SAMSN1: variants seen among roughly 807,000 people sequenced by gnomAD.
SAMSN1 encodes SAM domain, SH3 domain and nuclear localization signals 1.
Under a neutral mutation model 42.0 loss-of-function variants are expected in SAMSN1, and 31 were observed. The observed-to-expected ratio is 0.74, with a 90% CI of 0.55 to 1.00. SAMSN1 has a LOEUF of 1.00. SAMSN1 is among the 50% of genes least tolerant of loss of function. The pLI, the probability that SAMSN1 is intolerant of heterozygous loss-of-function variation, is 0.00. For missense variants in SAMSN1, 464 were observed against 439.4 expected (o/e 1.06, Z -0.50); for synonymous variants, 178 against 151.9 (o/e 1.17, Z -1.26).
chr21:14,560,627 C>A (rs556747069), intron 2 of SAMSN1, among the ~76,000 whole-genome samples: 1 of 152,158 alleles, frequency 6.6e-6, no homozygotes. Flanking sequence ...TAGTAATCAA[C>A]AAGCTTTAGA....
At chr21:14,506,133 A>G (rs1399228929) in intron 5 of SAMSN1, among the ~76,000 whole-genome samples, 1 of 152,152 alleles carries the variant, frequency 6.6e-6, no homozygotes, top group Non-Finnish European at 1.5e-5. Context: ...GAAAGAGCCC[A>G]AATGGACAAT....
chr21:14,639,069 A>C (rs1376070838), intron 2 of SAMSN1, among the ~76,000 whole-genome samples: 3 of 152,332 alleles, frequency 2.0e-5, no homozygotes, highest in Non-Finnish European at 4.4e-5. Flanking sequence ...TAAAAGGCTC[A>C]AGTTTTCTAT....
At chr21:14,592,231 C>T (rs184485510) in intron 7 of SAMSN1, 1 of 152,368 alleles carries the variant, frequency 6.6e-6, no homozygotes, top group Non-Finnish European at 1.5e-5. Context: ...GGTACACCTC[C>T]TAGCTGACCA....
intron 1 of SAMSN1, among the ~76,000 whole-genome samples, chr21:14,528,641 G>A (rs1338862342): frequency 6.6e-6 from 1 of 152,150 alleles, no homozygotes; most frequent in Non-Finnish European, 1.5e-5. Context: ...CTCCCAGCCT[G>A]TACATATGTC....
chr21:14,631,119 C>G lies in SAMSN1; in HGVS notation c.156+11883G>C, dbSNP rs189138556. On this transcript the variant is annotated intron_variant, in intron 2 of 15. Coordinates refer to the SAMSN1 transcript ENST00000647101. ...TGCAGTGACAACATCTTAAACACCT[C>G]TCTTTCATCATTTTTAACTCTATTT... is the stretch of plus-strand genomic sequence containing the variant. Among the ~76,000 whole-genome samples, 16 of 152,284 alleles carry G rather than the reference C, an allele frequency of 1.1e-4. No individual in the cohort carries two copies. In the East Asian group the frequency reaches 1.7e-3, roughly 17 times the overall value.
At chr21:14,657,578 G>A (rs923917376) in intron 1 of SAMSN1, among the ~76,000 whole-genome samples, 8 of 151,784 alleles carry the variant, frequency 5.3e-5, no homozygotes, top group East Asian at 1.9e-4. Flanking sequence ...GAAAGCAATC[G>A]TCTTTGGTGC....
At chr21:14,545,239 C>T (rs1354184738) in intron 1 of SAMSN1, among the ~76,000 whole-genome samples, 1 of 151,834 alleles carries the variant, frequency 6.6e-6, no homozygotes, top group African/African-American at 2.4e-5. Context: ...AAATATTGAC[C>T]ATTGTTCAAT....
intron 2 of SAMSN1, among the ~76,000 whole-genome samples, chr21:14,621,636 C>A (rs1292589): frequency 0.17 from 24,870 of 143,404 alleles, 2,684 homozygotes; most frequent in African/African-American, 0.33. Context: ...GAAGCTCCAA[C>A]TGGGTGGAGC....
At chr21:14,627,680 T>C (rs757542323) in intron 2 of SAMSN1, among the ~76,000 whole-genome samples, 2 of 152,194 alleles carry the variant, frequency 1.3e-5, no homozygotes, top group Non-Finnish European at 2.9e-5. Flanking sequence ...AGCATTGTCA[T>C]GCACAGCATG....
intron 2 of SAMSN1, among the ~76,000 whole-genome samples, chr21:14,581,074 CA>C (rs930669335): frequency 8.0e-5 from 12 of 150,460 alleles, no homozygotes; most frequent in South Asian, 2.1e-4. Flanking sequence ...TATCCAAGCC[CA>C]AAAAAAAAGT....
chr21:14,623,445 T>C (rs190509994), intron 2 of SAMSN1, among the ~76,000 whole-genome samples: 2,342 of 151,508 alleles, frequency 0.015, 37 homozygotes, highest in South Asian at 0.078. Flanking sequence ...ACCAAGAAAA[T>C]GGAAAACAAA....
At chr21:14,550,808 G>C (rs951595377), upstream of SAMSN1, among the ~76,000 whole-genome samples, 1 of 151,060 alleles carries the variant, frequency 6.6e-6, no homozygotes, top group South Asian at 2.1e-4. Context: ...GGAAAAGAGA[G>C]CTTAGTGAGC....
intron 4 of SAMSN1, chr21:14,609,697 C>G (rs1274241073): frequency 9.3e-6 from 6 of 643,662 alleles, no homozygotes; most frequent in East Asian, 8.3e-5. Context: ...TAAGAGAGCT[C>G]TAGTTCTAGG....
At chr21:14,581,520 G>A (rs1048640097) in intron 2 of SAMSN1, among the ~76,000 whole-genome samples, 5 of 150,622 alleles carry the variant, frequency 3.3e-5, no homozygotes, top group South Asian at 2.1e-4. Flanking sequence ...CACCACGCCC[G>A]GCTAATTTTT....
chr21:14,627,445 G>T (rs1332752267), intron 2 of SAMSN1, among the ~76,000 whole-genome samples: 4 of 152,244 alleles, frequency 2.6e-5, no homozygotes, highest in East Asian at 3.9e-4. Context: ...GGACTCTCTT[G>T]TTCTCTGAAT....
chr21:14,486,089 A>G lies in SAMSN1; in HGVS notation c.945T>C (p.Pro315=). ...TGTCTGAGCTCAAGGATAGGGGCTC[A>G]GGTTCATTTTCTTGCTCTTGAATAA... The part of the protein sequence containing the change: ...EEIIQEQENE[P]EPLSLSSDIS... The change falls in exon 8 of 8, where the codon CCT becomes CCC. Residue 315 remains proline, a synonymous_variant. Transcript: ENST00000400566. The G allele has an allele frequency of 4.3e-6, 7 of 1,613,496 alleles. No homozygotes were observed. Among genetic ancestry groups the G allele is most frequent in the Non-Finnish European group, 5.9e-6 (7 of 1,179,612 alleles).
intron 2 of SAMSN1, among the ~76,000 whole-genome samples, chr21:14,632,904 C>A (rs1361311308): frequency 6.6e-6 from 1 of 152,188 alleles, no homozygotes; most frequent in East Asian, 1.9e-4. Flanking sequence ...CCTTATCATG[C>A]AGGTCTCTTC....
At chr21:14,647,120 G>C (rs1201839280) in intron 1 of SAMSN1, among the ~76,000 whole-genome samples, 1 of 152,118 alleles carries the variant, frequency 6.6e-6, no homozygotes, top group African/African-American at 2.4e-5. Context: ...AAAAGACATA[G>C]ACTGGCTGCA....
rs140996879 is a variant in SAMSN1, at chr21:14,658,691, C to T, written c.24+57G>A. The T allele has an allele frequency of 9.5e-4, 677 of 713,134 alleles. 2 individuals are homozygous for T. The highest frequency in any genetic ancestry group is 9.3e-3 in the African/African-American group (531 of 57,142). The allele number at this position is 713,134 out of a possible 1,614,324, so 44.2% of individuals were successfully genotyped here. ...TTTAGAATATATCCTAATTTCATTC[C>T]TTTTGACACAGTAAAATTAAAATGA... On this transcript the variant is annotated intron_variant, in intron 1 of 15. Transcript: ENST00000647101.
Sources: gnomAD v4.1 joint callset for allele counts (sites outside exome capture counted in the v4.1 genomes callset) on GRCh38, gnomAD v4.1.1 for gene constraint, MANE v1.5 for transcripts, NCBI Gene and HGNC (gene_info 2026-07-23, HGNC 2026-07-21) for gene names.